Variants in ADAMTS9 observed in about 807,000 individuals in gnomAD.
ADAMTS9 encodes the protein ADAM metallopeptidase with thrombospondin type 1 motif 9.
A neutral mutation model predicts 257.1 loss-of-function variants in ADAMTS9; 107 were observed. The observed-to-expected ratio is 0.42, with a 90% confidence interval of 0.36 to 0.49. The LOEUF (loss-of-function observed/expected upper bound fraction) is 0.49. ADAMTS9 is among the 20% of genes least tolerant of loss of function. The pLI, the probability that ADAMTS9 is intolerant of heterozygous loss-of-function variation, is 0.03. For missense variants in ADAMTS9, 2,353 were observed against 2,469.1 expected, an observed-to-expected ratio of 0.95 and a Z score of 1.00; for synonymous variants, 982 against 880.9, an observed-to-expected ratio of 1.11 and a Z score of -2.03.
chr3:64,687,470 G>A lies in ADAMTS9; in HGVS notation c.115+73C>T. The A allele has an allele frequency of 8.3e-7, 1 of 1,198,372 alleles. No homozygotes were observed. Among genetic ancestry groups the A allele is most frequent in the Non-Finnish European group, 1.1e-6 (1 of 878,262 alleles). 74.2% of individuals were successfully genotyped at this position (1,198,372 alleles called of 1,614,324 possible). ...AGGAGAGAAGCCTCCGCTGCGGGGTGCCCCTGCCCAGGAGCGAGGACCGGG... is the reference window on the plus strand; with the variant it reads ...AGGAGAGAAGCCTCCGCTGCGGGGTACCCCTGCCCAGGAGCGAGGACCGGG... On this transcript the variant is annotated intron_variant, in intron 1 of 39. Coordinates refer to ENST00000498707, the MANE Select transcript of ADAMTS9 (RefSeq NM_182920.2). This position sits in a 1 kb window ranked among gnomAD's most constrained non-coding sequence, Gnocchi z 4.4.
At chr3:64,681,515 C>T (rs372914072) in intron 2 of ADAMTS9, 152 bp from the exon 3 acceptor site, 26 of 703,528 alleles carry the variant, frequency 3.7e-5, no homozygotes, top group African/African-American at 1.5e-4. Context: ...GCAACATATG[C>T]GGAGAAGTGG....
Position 64,686,422 on chromosome 3 carries a change from AC to A in ADAMTS9, c.516+145del. The A allele has an allele frequency of 8.3e-7, 1 of 1,199,202 alleles. No individual in the cohort carries two copies. Among genetic ancestry groups the A allele is most frequent in the Non-Finnish European group, 1.1e-6 (1 of 879,868 alleles). 74.3% of individuals were successfully genotyped at this position (1,199,202 alleles called of 1,614,324 possible). The stretch of plus-strand genomic sequence containing the variant: ...CGCACGCACAGAGCTAGCTACCCAA[AC>A]CATACGAGTTTCTAGCTGATATTTA... On this transcript the variant is annotated intron_variant, in intron 2 of 39. Coordinates refer to ENST00000498707, the MANE Select transcript of ADAMTS9 (RefSeq NM_182920.2). This position sits in a 1 kb window ranked among gnomAD's most constrained non-coding sequence, Gnocchi z 4.6.
chr3:64,566,057 A>G (rs1038581854), intron 29 of ADAMTS9, among the ~76,000 whole-genome samples: 1 of 152,130 alleles, frequency 6.6e-6, no homozygotes, highest in Non-Finnish European at 1.5e-5. Flanking sequence ...TAAACCAATT[A>G]TTTTTCCTAC....
chr3:64,565,265 T>A (rs1248385536), intron 29 of ADAMTS9: 1 of 152,334 alleles, frequency 6.6e-6, no homozygotes, highest in East Asian at 1.9e-4. Context: ...GCTCTAATTA[T>A]AATTATAAGA....
intron 38 of ADAMTS9, chr3:64,522,474 G>C: frequency 2.5e-6 from 1 of 403,818 alleles, no homozygotes; most frequent in Non-Finnish European, 4.4e-6. Context: ...TGGCTTGCAA[G>C]CTAAGGATGA....
At position 64,651,142 on chromosome 3, in the gene ADAMTS9, G is replaced by C; in HGVS notation, c.1338C>G (p.Asp446Glu). 1 of 1,587,066 alleles carries C rather than the reference G, an allele frequency of 6.3e-7. No homozygotes were observed. Among genetic ancestry groups the C allele is most frequent in the Admixed American group, 1.9e-5 (1 of 53,698 alleles). ...LGHVFNMPHD[D>E]NNKCKEEGVK... ...CTCCTTCTTCTTTACATTTGTTGTT[G>C]TCATCATGAGGCATGTTAAACCTAA... The change falls in exon 9 of 40, where the codon GAC becomes GAG. Residue 446 changes from aspartate (D) to glutamate (E), a missense_variant. Around this residue, in one of 3 missense-constraint regions of ADAMTS9, gnomAD observed 591 missense variants for 569.6 expected, o/e 1.04. Transcript: ENST00000498707.
At chr3:64,616,588 T>A (rs1181501558) in intron 19 of ADAMTS9, among the ~76,000 whole-genome samples, 1 of 152,208 alleles carries the variant, frequency 6.6e-6, no homozygotes, top group African/African-American at 2.4e-5. Flanking sequence ...TTTGAATCTA[T>A]AAATCTCTGT....
chr3:64,615,911 A>G (rs1192227233), intron 20 of ADAMTS9, 49 bp downstream of exon 20: 2 of 1,607,294 alleles, frequency 1.2e-6, no homozygotes, highest in South Asian at 1.1e-5. Context: ...GCCACCATCA[A>G]CTAATCAGAC....
chr3:64,666,285 G>C (rs570388953), intron 3 of ADAMTS9, among the ~76,000 whole-genome samples: 1 of 152,262 alleles, frequency 6.6e-6, no homozygotes, highest in East Asian at 1.9e-4. Context: ...CTACCAAATG[G>C]GGTTGGGCCG....
chr3:64,591,324 C>T (rs932294059), intron 28 of ADAMTS9, among the ~76,000 whole-genome samples: 22 of 151,920 alleles, frequency 1.4e-4, no homozygotes, highest in African/African-American at 3.1e-4. Context: ...CCTATAATCC[C>T]GGCTACTTGG....
chr3:64,611,662 A>G (rs1443648750), intron 22 of ADAMTS9, among the ~76,000 whole-genome samples: 2 of 152,154 alleles, frequency 1.3e-5, no homozygotes, highest in Admixed American at 1.3e-4. Context: ...TAGATCTCAC[A>G]GTTCACAATA....
intron 31 of ADAMTS9, among the ~76,000 whole-genome samples, chr3:64,549,084 G>A (rs2083238307): frequency 6.6e-6 from 1 of 152,198 alleles, no homozygotes; most frequent in Non-Finnish European, 1.5e-5. Flanking sequence ...CTTTTCTAGA[G>A]AGGATGCTGG....
At position 64,606,944 on chromosome 3, in the gene ADAMTS9, G is replaced by C. The variant is rs1045638252; in HGVS notation, c.3474+16C>G. 5.0e-6 allele frequency: 8 copies of C among 1,613,196 alleles called. No individual in the cohort carries two copies. The highest frequency in any genetic ancestry group is 2.2e-5 in the South Asian group (2 of 90,952). ...GTCCCCAAAGTCAATAACTGAGTTG[G>C]ACAAAGGAAACTTACCTGGGTATCA... On this transcript the variant is annotated intron_variant, in intron 23 of 39. Coordinates refer to ENST00000498707, the MANE Select transcript of ADAMTS9 (RefSeq NM_182920.2).
intron 8 of ADAMTS9, among the ~76,000 whole-genome samples, chr3:64,651,998 T>C (rs1365374850): frequency 6.6e-6 from 1 of 152,224 alleles, no homozygotes; most frequent in Non-Finnish European, 1.5e-5. Context: ...GGAAAAAAAA[T>C]AGGAAGTATT....
At chr3:64,589,397 T>C (rs1242513980) in intron 28 of ADAMTS9, 1 of 152,224 alleles carries the variant, frequency 6.6e-6, no homozygotes, top group Non-Finnish European at 1.5e-5. Flanking sequence ...AGGTTGTTTC[T>C]TTCTGCCAAA....
chr3:64,533,094 A>T, intron 38 of ADAMTS9, 72 bp downstream of exon 38: 1 of 1,383,568 alleles, frequency 7.2e-7, no homozygotes, highest in Non-Finnish European at 1.0e-6. Context: ...CAGCACCACT[A>T]CCACAGTAAT....
intron 31 of ADAMTS9, 111 bp downstream of exon 31, chr3:64,550,781 G>A (rs1439300399): frequency 2.8e-5 from 38 of 1,358,656 alleles, no homozygotes; most frequent in Non-Finnish European, 3.1e-5. Context: ...GTGGCAAATC[G>A]GGCGGGTAGC....
intron 23 of ADAMTS9, among the ~76,000 whole-genome samples, chr3:64,605,677 A>G (rs1316507131): frequency 1.3e-5 from 2 of 152,208 alleles, no homozygotes; most frequent in Admixed American, 1.3e-4. Flanking sequence ...ACATGATGCC[A>G]AAATCAAGGC....
intron 19 of ADAMTS9, 104 bp downstream of exon 19, chr3:64,621,010 G>C (rs1208086960): frequency 3.6e-6 from 5 of 1,382,342 alleles, no homozygotes; most frequent in Admixed American, 4.6e-5. Flanking sequence ...ACACAAGAAA[G>C]GGGAACTAAA....
Sources: gnomAD v4.1 joint callset for allele counts (sites outside exome capture counted in the v4.1 genomes callset) on GRCh38, gnomAD v4.1.1 for gene constraint, gnomAD v4.1.1 regional missense constraint, Gnocchi (gnomAD v3.1) non-coding constraint, MANE v1.5 for transcripts, NCBI Gene and HGNC (gene_info 2026-07-23, HGNC 2026-07-21) for gene names.